Variants in MCOLN2 observed in about 807,000 individuals in gnomAD.
MCOLN2 encodes the protein mucolipin TRP cation channel 2.
MCOLN2 carries 57 observed loss-of-function variants against 67.5 expected under a neutral mutation model. The ratio of observed to expected loss-of-function variants is 0.84; its 90% CI spans 0.68 to 1.05. MCOLN2 has a LOEUF of 1.05. Ranked by LOEUF, MCOLN2 falls within the 50% of genes least tolerant of loss-of-function variation. The pLI, the probability that MCOLN2 is intolerant of heterozygous loss-of-function variation, is 0.00. For missense variants in MCOLN2, 620 were observed against 678.8 expected (o/e 0.91, Z 0.96); for synonymous variants, 246 against 233.3 (o/e 1.05, Z -0.50).
chr1:84,938,283 A>G (rs1183941298), intron 9 of MCOLN2, among the ~76,000 whole-genome samples: 1 of 152,198 alleles, frequency 6.6e-6, no homozygotes, highest in East Asian at 1.9e-4. Flanking sequence ...TTAGTATTTC[A>G]ATTGGTTGAA....
chr1:84,954,163 A>G (rs1474802149), intron 4 of MCOLN2, among the ~76,000 whole-genome samples: 1 of 152,240 alleles, frequency 6.6e-6, no homozygotes, highest in Non-Finnish European at 1.5e-5. Context: ...ATGTCCTGAT[A>G]CACGGGATAC....
chr1:84,987,413 T>G, intron 1 of MCOLN2, among the ~76,000 whole-genome samples: 1 of 129,254 alleles, frequency 7.7e-6, no homozygotes. Context: ...TATATTTATA[T>G]ATGTATATAC....
intron 4 of MCOLN2, 63 bp downstream of exon 4, chr1:84,956,368 G>A: frequency 1.3e-6 from 2 of 1,542,058 alleles, no homozygotes; most frequent in African/African-American, 2.8e-5. Context: ...GCTAGCACAT[G>A]AGGGCATTTC....
intron 1 of MCOLN2, among the ~76,000 whole-genome samples, chr1:84,978,212 A>G (rs1650086295): frequency 6.6e-6 from 1 of 152,082 alleles, no homozygotes; most frequent in Non-Finnish European, 1.5e-5. Context: ...ACAACCTACC[A>G]AAATCTAAGA....
chr1:84,990,484 A>C (rs1209769098), intron 1 of MCOLN2, among the ~76,000 whole-genome samples: 2 of 152,118 alleles, frequency 1.3e-5, no homozygotes, highest in Non-Finnish European at 2.9e-5. Flanking sequence ...TTATAATACA[A>C]ATTTTAAAAT....
At chr1:84,963,950 GAAGTTGGTTTAGC>G (rs781586688) in intron 2 of MCOLN2, among the ~76,000 whole-genome samples, 1 of 152,146 alleles carries the variant, frequency 6.6e-6, no homozygotes, top group African/African-American at 2.4e-5. Context: ...ATAATTGAAG[GAAGTTGGTTTAGC>G]AAGAAAAGAT....
chr1:84,964,471 C>T (rs1308944723), intron 2 of MCOLN2, among the ~76,000 whole-genome samples: 1 of 144,698 alleles, frequency 6.9e-6, no homozygotes, highest in African/African-American at 2.5e-5. Context: ...CTTGTTGGCA[C>T]CAGGGACTGG....
At chr1:84,952,936 A>C (rs1380652651) in intron 4 of MCOLN2, among the ~76,000 whole-genome samples, 5 of 152,222 alleles carry the variant, frequency 3.3e-5, no homozygotes, top group Non-Finnish European at 7.3e-5. Flanking sequence ...ACAAACAAAA[A>C]CCAAGAAACT....
chr1:84,927,080 ATACT>A (rs1661198412), intron 13 of MCOLN2, among the ~76,000 whole-genome samples: 1 of 152,012 alleles, frequency 6.6e-6, no homozygotes, highest in Non-Finnish European at 1.5e-5. Context: ...ATTAGGACAA[ATACT>A]TAATGCATGC....
chr1:84,996,491 C>A (rs985867448), intron 1 of MCOLN2, among the ~76,000 whole-genome samples: 1 of 148,890 alleles, frequency 6.7e-6, no homozygotes, highest in African/African-American at 2.5e-5. Context: ...TTTGGCTCAA[C>A]TGTGCTGGGG....
intron 8 of MCOLN2, 54 bp downstream of exon 8, chr1:84,940,825 C>G: frequency 7.8e-7 from 1 of 1,276,728 alleles, no homozygotes; most frequent in Non-Finnish European, 1.1e-6. Flanking sequence ...ACTGCTTGGG[C>G]AAACTGAGGG....
At chr1:84,926,816 T>C in intron 13 of MCOLN2, 95 bp from the exon 14 acceptor site, 1 of 851,322 alleles carries the variant, frequency 1.2e-6, no homozygotes, top group Non-Finnish European at 1.7e-6. Context: ...GGCCCGTAGA[T>C]TATAGACATG....
intron 1 of MCOLN2, among the ~76,000 whole-genome samples, chr1:84,994,126 G>A (rs1017127810): frequency 1.1e-4 from 16 of 152,168 alleles, no homozygotes; most frequent in Non-Finnish European, 2.2e-4. Context: ...TCAACCATGA[G>A]CTTAAAATAT....
chr1:84,944,385 T>C (rs1019600551), intron 7 of MCOLN2, among the ~76,000 whole-genome samples: 1 of 151,860 alleles, frequency 6.6e-6, no homozygotes, highest in African/African-American at 2.4e-5. Flanking sequence ...ATACAAAAAA[T>C]AGTCGGGCGT....
Position 84,939,615 on chromosome 1 carries a change from C to T in MCOLN2, c.1048G>A (p.Val350Met), listed in dbSNP as rs1647632949. 6.2e-7 allele frequency: 1 copy of T among 1,613,956 alleles called. No individual in the cohort carries two copies. Among genetic ancestry groups the T allele is most frequent in the African/African-American group, 1.3e-5 (1 of 74,906 alleles). ...WEFINGWYVL[V>M]IISDLMTIIG... Reference sequence around the variant, plus strand: ...ATTGTCATTAGGTCGCTGATAATCACCAGGACATACCAGCCGTTGATGAAC... The same window carrying T: ...ATTGTCATTAGGTCGCTGATAATCATCAGGACATACCAGCCGTTGATGAAC... The change falls in exon 9 of 14, where the codon GTG becomes ATG. Residue 350 changes from valine (V) to methionine (M), a missense_variant. By Grantham distance (21) the Val-to-Met change is conservative (BLOSUM62 1). Transcript: ENST00000370608.
chr1:84,975,224 C>T (rs1557658523), intron 1 of MCOLN2, among the ~76,000 whole-genome samples: 1 of 152,262 alleles, frequency 6.6e-6, no homozygotes, highest in African/African-American at 2.4e-5. Flanking sequence ...TTACAGCCGG[C>T]CTTGGGCAAC....
intron 1 of MCOLN2, among the ~76,000 whole-genome samples, chr1:84,969,572 A>G (rs917711712): frequency 2.9e-5 from 3 of 105,106 alleles, no homozygotes; most frequent in African/African-American, 5.7e-5. Context: ...CTCTGCCTCA[A>G]AAAAAAAAAA....
chr1:84,984,731 C>A (rs1039650782), intron 1 of MCOLN2, among the ~76,000 whole-genome samples: 1 of 152,176 alleles, frequency 6.6e-6, no homozygotes, highest in African/African-American at 2.4e-5. Context: ...TGTGGTGGTT[C>A]TTGCCTGTAA....
At chr1:84,971,073 AATT>A (rs1489675711) in intron 1 of MCOLN2, among the ~76,000 whole-genome samples, 1 of 152,216 alleles carries the variant, frequency 6.6e-6, no homozygotes, top group African/African-American at 2.4e-5. Flanking sequence ...ATCCTTCCAT[AATT>A]GTTTCATTTG....
Sources: allele counts gnomAD v4.1 joint callset (sites outside exome capture counted in the v4.1 genomes callset), GRCh38; gene constraint gnomAD v4.1.1; transcripts MANE v1.5; gene names NCBI Gene and HGNC (gene_info 2026-07-23, HGNC 2026-07-21).